ARHGAP28: variants seen among roughly 807,000 people sequenced by gnomAD.
ARHGAP28 encodes rho GTPase-activating protein 28.
In ARHGAP28, 56 loss-of-function variants were observed where a neutral mutation model predicts 90.7. The observed-to-expected ratio is 0.62, with a 90% confidence interval of 0.50 to 0.77. The LOEUF is 0.77. Ranked by LOEUF, ARHGAP28 falls within the 30% of genes least tolerant of loss-of-function variation. The pLI is 0.00. For synonymous variants in ARHGAP28, 308 were observed against 323.3 expected (o/e 0.95, Z 0.51); for missense variants, 869 against 900.9 (o/e 0.96, Z 0.45).
intron 17 of ARHGAP28, among the ~76,000 whole-genome samples, chr18:6,910,487 G>A (rs1475305832): frequency 6.6e-6 from 1 of 152,016 alleles, no homozygotes; most frequent in African/African-American, 2.4e-5. Context: ...TGGATCTGGG[G>A]CCTCTGCATT....
At chr18:6,894,333 G>A (rs2057289470) in intron 14 of ARHGAP28, among the ~76,000 whole-genome samples, 1 of 152,182 alleles carries the variant, frequency 6.6e-6, no homozygotes, top group Non-Finnish European at 1.5e-5. Context: ...ACAGGAACAT[G>A]CAGGTGTATA....
At chr18:6,855,272 A>T (rs904985296) in intron 4 of ARHGAP28, among the ~76,000 whole-genome samples, 2 of 152,172 alleles carry the variant, frequency 1.3e-5, no homozygotes, top group Non-Finnish European at 2.9e-5. Flanking sequence ...ATGACCATTC[A>T]GTCAATTGGA....
chr18:6,862,060 A>G (rs1413715572), intron 5 of ARHGAP28, among the ~76,000 whole-genome samples: 1 of 152,126 alleles, frequency 6.6e-6, no homozygotes, highest in Non-Finnish European at 1.5e-5. Flanking sequence ...CTTCGACTTG[A>G]CTTACCTTGG....
rs2057106427 is a variant in ARHGAP28 at position 6,873,568 on chromosome 18, G to A, written c.1114G>A (p.Gly372Arg). The change falls in exon 8 of 18, where the codon GGA becomes AGA. Residue 372 changes from glycine (G) to arginine (R), a missense_variant. Physicochemically the swap from Gly to Arg is moderately radical, Grantham distance 125 (BLOSUM62 -2). Coordinates refer to ENST00000383472, the MANE Select transcript of ARHGAP28 (RefSeq NM_001366230.1). ...AAGGAACAAAACAGAGAAAGTAAAAGGACGAGGTAACTAAGAAGACTGATT... is the reference window on the plus strand; with the variant it reads ...AAGGAACAAAACAGAGAAAGTAAAAAGACGAGGTAACTAAGAAGACTGATT... ...LKRNKTEKVK[G>R]RDNGIFGVPL... The A allele has an allele frequency of 6.2e-7, 1 of 1,613,094 alleles. No homozygotes were observed. The highest frequency in any genetic ancestry group is 1.7e-5 in the Admixed American group (1 of 59,834).
intron 1 of ARHGAP28, among the ~76,000 whole-genome samples, chr18:6,812,460 G>T (rs1294250967): frequency 1.3e-5 from 2 of 152,196 alleles, no homozygotes; most frequent in East Asian, 3.9e-4. Context: ...CTGGCCAGTG[G>T]TAGAGTAAGG....
At chr18:6,843,413 C>T (rs1395969225) in intron 3 of ARHGAP28, among the ~76,000 whole-genome samples, 3 of 152,150 alleles carry the variant, frequency 2.0e-5, no homozygotes, top group Non-Finnish European at 4.4e-5. Flanking sequence ...TATTTTGGTT[C>T]TGGAAATGGG....
chr18:6,838,534 T>C (rs958213216), intron 3 of ARHGAP28, among the ~76,000 whole-genome samples: 6 of 152,232 alleles, frequency 3.9e-5, no homozygotes, highest in African/African-American at 1.4e-4. Context: ...GAACTTTCTA[T>C]AGTGATGGAA....
intron 1 of ARHGAP28, among the ~76,000 whole-genome samples, chr18:6,737,832 G>T (rs1205299101): frequency 6.6e-6 from 1 of 152,102 alleles, no homozygotes; most frequent in African/African-American, 2.4e-5. Flanking sequence ...CTATATATGC[G>T]TCTTCTTAAA....
rs1428314407 is a variant in ARHGAP28 at position 6,818,559 on chromosome 18, A to G, written c.123-6203A>G. Reference sequence around the variant, plus strand: ...CAAATGAGTGCATGAAGTGTTTATTATTGATGAATGAGAAGCAGGGAACCC... The same window carrying G: ...CAAATGAGTGCATGAAGTGTTTATTGTTGATGAATGAGAAGCAGGGAACCC... On this transcript the variant is annotated intron_variant, in intron 1 of 17. Coordinates refer to ENST00000383472, the MANE Select transcript of ARHGAP28 (RefSeq NM_001366230.1). 2.6e-5 allele frequency among the ~76,000 whole-genome samples: 4 copies of G among 152,294 alleles called. No homozygotes were observed. The East Asian group carries it at 7.7e-4, about 29-fold the overall frequency.
chr18:6,824,305 G>A (rs2143768844), intron 1 of ARHGAP28, among the ~76,000 whole-genome samples: 1 of 152,252 alleles, frequency 6.6e-6, no homozygotes. Flanking sequence ...TTGGGAGGCT[G>A]AGGCAGGTGG....
chr18:6,852,684 G>A (rs966076227), intron 4 of ARHGAP28, among the ~76,000 whole-genome samples: 1 of 152,162 alleles, frequency 6.6e-6, no homozygotes, highest in Admixed American at 6.5e-5. Context: ...GCCTTAGCAC[G>A]TGGACCTAAT....
chr18:6,833,343 C>T (rs895680906), intron 2 of ARHGAP28, among the ~76,000 whole-genome samples: 5 of 151,948 alleles, frequency 3.3e-5, no homozygotes, highest in South Asian at 2.1e-4. Context: ...AGACTGCTAT[C>T]GTTTCTAGAT....
At chr18:6,756,490 A>T (rs1032014481) in intron 1 of ARHGAP28, among the ~76,000 whole-genome samples, 1 of 152,228 alleles carries the variant, frequency 6.6e-6, no homozygotes, top group Non-Finnish European at 1.5e-5. Flanking sequence ...CTTAATATAC[A>T]AATTATTGAT....
At chr18:6,767,147 G>T (rs1379160209) in intron 1 of ARHGAP28, among the ~76,000 whole-genome samples, 3 of 151,740 alleles carry the variant, frequency 2.0e-5, no homozygotes, top group African/African-American at 7.3e-5. Context: ...TTTCGTGATG[G>T]CTGCAGAGTT....
rs2056073204 is a variant in ARHGAP28, at chr18:6,751,982, G to GC, written c.122+22040dup. 2.6e-5 allele frequency among the ~76,000 whole-genome samples: 4 copies of GC among 151,952 alleles called. No individual in the cohort carries two copies. In the South Asian group the frequency reaches 8.3e-4, roughly 31 times the overall value. On this transcript the variant is annotated intron_variant, in intron 1 of 17. Coordinates refer to ENST00000383472, the MANE Select transcript of ARHGAP28 (RefSeq NM_001366230.1). The stretch of plus-strand genomic sequence containing the variant: ...CAAAACTTAAAAAAAAAAATTCCAG[G>GC]CATCTGGGAAATTCAAATTCATAAA...
At chr18:6,859,704 C>T in intron 4 of ARHGAP28, 104 bp from the exon 5 acceptor site, 1 of 1,125,132 alleles carries the variant, frequency 8.9e-7, no homozygotes, top group South Asian at 1.4e-5. Context: ...GTCATAATTG[C>T]ATATATTGCC....
At chr18:6,852,201 A>G (rs976940576) in intron 4 of ARHGAP28, among the ~76,000 whole-genome samples, 2 of 152,196 alleles carry the variant, frequency 1.3e-5, no homozygotes, top group African/African-American at 4.8e-5. Context: ...CTTTGACTCT[A>G]ATCACACACA....
chr18:6,850,721 T>A (rs1364722673), intron 3 of ARHGAP28: 2 of 1,177,904 alleles, frequency 1.7e-6, no homozygotes, highest in African/African-American at 3.2e-5. Flanking sequence ...GTCTTTTTAG[T>A]TAGAACATAC....
intron 9 of ARHGAP28, 102 bp downstream of exon 9, chr18:6,873,877 T>G (rs1447642326): frequency 9.9e-7 from 1 of 1,006,908 alleles, no homozygotes; most frequent in Non-Finnish European, 1.5e-6. Flanking sequence ...TTAAAGACAC[T>G]ATCGCCCTAT....
Sources: allele counts gnomAD v4.1 joint callset (sites outside exome capture counted in the v4.1 genomes callset), GRCh38; gene constraint gnomAD v4.1.1; transcripts MANE v1.5; gene names NCBI Gene and HGNC (gene_info 2026-07-23, HGNC 2026-07-21).